PEA15: variants seen among roughly 807,000 people sequenced by gnomAD.
PEA15 encodes astrocytic phosphoprotein PEA-15.
For synonymous variants in PEA15, 60 were observed against 61.8 expected (o/e 0.97, Z 0.13); for missense variants, 77 against 161.3 (o/e 0.48, Z 2.83).
chr1:160,211,383 G>A, intron 1 of PEA15, 160 bp from the exon 2 acceptor site: 1 of 1,318,644 alleles, frequency 7.6e-7, no homozygotes, highest in South Asian at 2.3e-5. Flanking sequence ...CCTCCCCTAG[G>A]TCTTCCTTTT....
chr1:160,206,779 G>T (rs1439002158), intron 1 of PEA15, among the ~76,000 whole-genome samples: 2 of 150,900 alleles, frequency 1.3e-5, no homozygotes, highest in Admixed American at 6.6e-5. Context: ...GGAGGATGAA[G>T]GTTGGGGGAG....
Position 160,213,345 on chromosome 1 carries a change from GT to G in PEA15, c.329-76del. 1 of 1,611,272 alleles carries G rather than the reference GT, an allele frequency of 6.2e-7. No individual in the cohort carries two copies. Among genetic ancestry groups the G allele is most frequent in the East Asian group, 2.2e-5 (1 of 44,868 alleles). On this transcript the variant is annotated intron_variant, in intron 3 of 3. Coordinates refer to ENST00000360472, the MANE Select transcript of PEA15 (RefSeq NM_003768.5). This position sits in a 1 kb window ranked among gnomAD's most constrained non-coding sequence, Gnocchi z 5.3. ...CTTGGAGTACTTGAGTTTTGGGAGAGTGGAGGCAGATGCCCAATGGGCCTGC... is the reference window on the plus strand; with the variant it reads ...CTTGGAGTACTTGAGTTTTGGGAGAGGGAGGCAGATGCCCAATGGGCCTGC...
rs1321292776 is a variant in PEA15, at chr1:160,212,189, T to TAA, written c.172+474_172+475dup. 6.6e-5 allele frequency among the ~76,000 whole-genome samples: 10 copies of TAA among 151,386 alleles called. No individual in the cohort carries two copies. In the East Asian group the frequency reaches 1.8e-3, roughly 27 times the overall value. The stretch of plus-strand genomic sequence containing the variant: ...GGGGAGTGGGATCTATGGATTAGAG[T>TAA]AATCCCTCACAGCTGGAGGCTTTAG... On this transcript the variant is annotated intron_variant, in intron 2 of 3. Transcript: ENST00000360472.
chr1:160,206,834 G>C (rs1305726677), intron 1 of PEA15, among the ~76,000 whole-genome samples: 2 of 152,172 alleles, frequency 1.3e-5, no homozygotes, highest in African/African-American at 4.8e-5. Flanking sequence ...TGGGCCCCAG[G>C]CTGTCAGAGC....
rs1208250075 is a variant in PEA15 at position 160,205,711 on chromosome 1, G to A, written c.-3+189G>A. 2 of 152,356 alleles carry A rather than the reference G, an allele frequency of 1.3e-5. No individual in the cohort carries two copies. Among genetic ancestry groups the A allele is most frequent in the Non-Finnish European group, 2.9e-5 (2 of 68,176 alleles). The allele number at this position is 152,356 out of a possible 1,614,324, so 9.4% of individuals were successfully genotyped here. On this transcript the variant is annotated intron_variant, in intron 1 of 3. Coordinates refer to ENST00000360472, the MANE Select transcript of PEA15 (RefSeq NM_003768.5). The surrounding 1 kb of genome is among the most constrained non-coding windows in gnomAD (Gnocchi z 5.9). ...GCGTCCCGAGCGCCGAGCGTGTGCT[G>A]GAGGCGGCGTGGCTCCGGCCAGCCC...
rs1260304742 is a variant in PEA15 at position 160,208,969 on chromosome 1, T to C, written c.-2-2574T>C. 2 of 333,322 alleles carry C rather than the reference T, an allele frequency of 6.0e-6. No homozygotes were observed. The highest frequency in any genetic ancestry group is 2.1e-5 in the African/African-American group (1 of 47,484). 20.6% of individuals were successfully genotyped at this position (333,322 alleles called of 1,614,324 possible). The stretch of plus-strand genomic sequence containing the variant: ...CAGCCTTCTATAGTTGTGGACTGTA[T>C]GCTCTCCTCCCCCTCGCCCCCCATG... On this transcript the variant is annotated intron_variant, in intron 1 of 3. Transcript: ENST00000360472. The surrounding 1 kb of genome is among the most constrained non-coding windows in gnomAD (Gnocchi z 4.1).
chr1:160,211,803 TC>T, intron 2 of PEA15, 87 bp downstream of exon 2: 2 of 1,303,826 alleles, frequency 1.5e-6, no homozygotes, highest in Non-Finnish European at 2.2e-6. Context: ...AGCTTTTACA[TC>T]CACAATGTGT....
At chr1:160,211,062 A>G (rs1654856123) in intron 1 of PEA15, among the ~76,000 whole-genome samples, 1 of 152,102 alleles carries the variant, frequency 6.6e-6, no homozygotes, top group Admixed American at 6.5e-5. Flanking sequence ...ATGAGTTCCT[A>G]CCAGACCCTC....
At position 160,208,749 on chromosome 1, in the gene PEA15, C is replaced by G. The variant is rs1469752867; in HGVS notation, c.-2-2794C>G. 6.7e-6 allele frequency: 8 copies of G among 1,185,606 alleles called. No homozygotes were observed. The highest frequency in any genetic ancestry group is 9.8e-6 in the Non-Finnish European group (8 of 818,092). 73.4% of individuals were successfully genotyped at this position (1,185,606 alleles called of 1,614,324 possible). A position where few individuals can be genotyped will look rare whatever the true frequency, so the allele number is the denominator to read the frequency against. On this transcript the variant is annotated intron_variant, in intron 1 of 3. Coordinates refer to ENST00000360472, the MANE Select transcript of PEA15 (RefSeq NM_003768.5). This position sits in a 1 kb window ranked among gnomAD's most constrained non-coding sequence, Gnocchi z 4.1. ...TTCTTCTGCCATACTAAGGCCTAGG[C>G]AAATGGATCTCTCCAAGAAGGGAGG...
chr1:160,210,690 C>T (rs548682151), intron 1 of PEA15, among the ~76,000 whole-genome samples: 3 of 152,294 alleles, frequency 2.0e-5, no homozygotes, highest in East Asian at 1.9e-4. Flanking sequence ...CTCCCAAAGC[C>T]GCATCTAAAG....
chr1:160,211,557 G>C lies in PEA15; in HGVS notation c.13G>C (p.Gly5Arg). 1 of 1,612,498 alleles carries C rather than the reference G, an allele frequency of 6.2e-7. No homozygotes were observed. The highest frequency in any genetic ancestry group is 8.5e-7 in the Non-Finnish European group (1 of 1,178,924). Residue 5 changes from glycine to arginine, a missense_variant, in exon 2 of 4, where the codon GGG becomes CGG. Transcript: ENST00000360472. MAEY[G>R]TLLQDLTNNI... ...CCCAACCCCAGTCATGGCTGAGTAC[G>C]GGACCCTCCTGCAAGACCTGACCAA...
At chr1:160,207,130 C>G (rs1571060507) in intron 1 of PEA15, 1 of 152,564 alleles carries the variant, frequency 6.6e-6, no homozygotes, top group Admixed American at 6.5e-5. Flanking sequence ...TCTTTTGTAG[C>G]AGGGATGCTC....
chr1:160,211,336 T>A, intron 1 of PEA15: 1 of 1,266,820 alleles, frequency 7.9e-7, no homozygotes, highest in Non-Finnish European at 1.0e-6. Flanking sequence ...CACTCTAGGC[T>A]CCAGCCTGGC....
At chr1:160,206,704 G>T (rs1184465745) in intron 1 of PEA15, among the ~76,000 whole-genome samples, 2 of 152,168 alleles carry the variant, frequency 1.3e-5, no homozygotes, top group Admixed American at 6.5e-5. Flanking sequence ...GGAGAGGGAG[G>T]AAGTGAGAGA....
In PEA15 at chr1:160,213,599, C is replaced by T. The variant is rs1654968187; in HGVS notation, c.*113C>T. ...CCATCTACCCACTTACTAACCTGGT[C>T]CTAACCCCCTTACTGTGCGCGTGTG... On this transcript the variant is annotated 3_prime_UTR_variant, in exon 4 of 4. Transcript: ENST00000360472. The surrounding 1 kb of genome is among the most constrained non-coding windows in gnomAD (Gnocchi z 5.3). The T allele has an allele frequency of 1.4e-5, 12 of 860,116 alleles. No individual in the cohort carries two copies. Among genetic ancestry groups the T allele is most frequent in the Admixed American group, 2.0e-5 (1 of 50,710 alleles). The allele number at this position is 860,116 out of a possible 1,614,324, so 53.3% of individuals were successfully genotyped here. A position where few individuals can be genotyped will look rare whatever the true frequency, so the allele number is the denominator to read the frequency against.
At position 160,213,363 on chromosome 1, in the gene PEA15, T is replaced by C. The variant is rs1037068589; in HGVS notation, c.329-59T>C. 5 of 1,606,620 alleles carry C rather than the reference T, an allele frequency of 3.1e-6. No homozygotes were observed. In the Admixed American group the frequency reaches 8.3e-5, roughly 27 times the overall value. ...TGGGAGAGTGGAGGCAGATGCCCAATGGGCCTGCCTGGCATCTCCCACACT... is the reference window on the plus strand; with the variant it reads ...TGGGAGAGTGGAGGCAGATGCCCAACGGGCCTGCCTGGCATCTCCCACACT... On this transcript the variant is annotated intron_variant, in intron 3 of 3. Coordinates refer to ENST00000360472, the MANE Select transcript of PEA15 (RefSeq NM_003768.5). The surrounding 1 kb of genome is among the most constrained non-coding windows in gnomAD (Gnocchi z 5.3).
rs2101701478 is a variant in PEA15, at chr1:160,213,060, A to G, written c.173-50A>G. 6.3e-7 allele frequency: 1 copy of G among 1,597,144 alleles called. No homozygotes were observed. Among genetic ancestry groups the G allele is most frequent in the East Asian group, 2.2e-5 (1 of 44,706 alleles). On this transcript the variant is annotated intron_variant, in intron 2 of 3. Coordinates refer to ENST00000360472, the MANE Select transcript of PEA15 (RefSeq NM_003768.5). This position sits in a 1 kb window ranked among gnomAD's most constrained non-coding sequence, Gnocchi z 5.3. Reference sequence around the variant, plus strand: ...GGTCACTAGTCTGGTGGAGTAGGGGAAGCTGACCTCTACAGCCTAGCTCTG... The same window carrying G: ...GGTCACTAGTCTGGTGGAGTAGGGGGAGCTGACCTCTACAGCCTAGCTCTG...
At position 160,208,838 on chromosome 1, in the gene PEA15, A is replaced by C; in HGVS notation, c.-2-2705A>C. On this transcript the variant is annotated intron_variant, in intron 1 of 3. Transcript: ENST00000360472. This position sits in a 1 kb window ranked among gnomAD's most constrained non-coding sequence, Gnocchi z 4.1. ...ATTCCTATCCTTTCTGTCCCTTCTT[A>C]CTCACCATTCCCTACACTCCTCCCA... The C allele has an allele frequency of 1.7e-6, 1 of 600,688 alleles. No homozygotes were observed. Among genetic ancestry groups the C allele is most frequent in the Non-Finnish European group, 3.0e-6 (1 of 337,842 alleles). 37.2% of individuals were successfully genotyped at this position (600,688 alleles called of 1,614,324 possible).
intron 1 of PEA15, chr1:160,206,178 G>T (rs947839735): frequency 6.6e-6 from 1 of 152,354 alleles, no homozygotes; most frequent in Non-Finnish European, 1.5e-5. Flanking sequence ...AAACGTCCCT[G>T]GACTACGCAT....
Sources: gnomAD v4.1 joint callset for allele counts (sites outside exome capture counted in the v4.1 genomes callset) on GRCh38, gnomAD v4.1.1 for gene constraint, Gnocchi (gnomAD v3.1) non-coding constraint, MANE v1.5 for transcripts, NCBI Gene and HGNC (gene_info 2026-07-23, HGNC 2026-07-21) for gene names.